Variants in TTLL5 observed in about 807,000 individuals in gnomAD.
The protein encoded by TTLL5 is tubulin polyglutamylase TTLL5.
A neutral mutation model predicts 168.4 loss-of-function variants in TTLL5; 132 were observed. That is an observed-to-expected ratio of 0.78 (90% CI 0.68 to 0.91). The LOEUF (loss-of-function observed/expected upper bound fraction) is 0.91. Ranked by LOEUF, TTLL5 falls within the 40% of genes least tolerant of loss-of-function variation. TTLL5 has a pLI of 0.00. For synonymous variants in TTLL5, 546 were observed against 558.6 expected (o/e 0.98, Z 0.32); for missense variants, 1,545 against 1,581.5 (o/e 0.98, Z 0.39).
chr14:75,886,656 T>G (rs775949357), intron 30 of TTLL5: 3 of 1,590,946 alleles, frequency 1.9e-6, no homozygotes, highest in Non-Finnish European at 1.7e-6. Context: ...CCAATAATCT[T>G]TCTTGATTTT....
intron 27 of TTLL5, among the ~76,000 whole-genome samples, chr14:75,796,073 C>T (rs1048125179): frequency 6.6e-6 from 1 of 152,132 alleles, no homozygotes; most frequent in African/African-American, 2.4e-5. Context: ...TCCCTTTTCA[C>T]CTCTTCCATG....
At chr14:75,720,519 A>G (rs1940091354) in intron 11 of TTLL5, 77 bp from the exon 12 acceptor site, 2 of 1,086,062 alleles carry the variant, frequency 1.8e-6, no homozygotes, top group African/African-American at 3.1e-5. Flanking sequence ...TTTTATAGTT[A>G]TATTGTTATC....
intron 9 of TTLL5, 57 bp from the exon 10 acceptor site, chr14:75,717,804 A>G: frequency 6.6e-7 from 1 of 1,518,726 alleles, no homozygotes; most frequent in Non-Finnish European, 9.1e-7. Flanking sequence ...CCTCAGTTCC[A>G]GCCTGTATTT....
At chr14:75,735,767 A>G (rs1268518147) in intron 15 of TTLL5, among the ~76,000 whole-genome samples, 2 of 152,238 alleles carry the variant, frequency 1.3e-5, no homozygotes, top group South Asian at 2.1e-4. Flanking sequence ...ATAAAAGCCC[A>G]AAGAAACTTA....
At chr14:75,841,686 A>G (rs1333225582) in intron 28 of TTLL5, among the ~76,000 whole-genome samples, 2 of 152,162 alleles carry the variant, frequency 1.3e-5, no homozygotes, top group Non-Finnish European at 2.9e-5. Context: ...GAAGGGATCT[A>G]CATATTTACT....
Position 75,765,045 on chromosome 14 carries a change from A to G in TTLL5, c.1708+273A>G, listed in dbSNP as rs113121580. ...ACAAATACCTGATACTCTAGAAATA[A>G]TATTAGCCTGAGTTTAATGGAATCC... On this transcript the variant is annotated intron_variant, in intron 19 of 31. Transcript: ENST00000298832. 9.1e-3 allele frequency among the ~76,000 whole-genome samples: 1,389 copies of G among 152,320 alleles called. 30 individuals are homozygous for G. The highest frequency in any genetic ancestry group is 0.032 in the African/African-American group (1,332 of 41,566).
intron 18 of TTLL5, among the ~76,000 whole-genome samples, chr14:75,759,842 A>C (rs1273998849): frequency 6.6e-6 from 1 of 152,148 alleles, no homozygotes; most frequent in Non-Finnish European, 1.5e-5. Context: ...AGAAAAACTC[A>C]GCAAATCAGA....
intron 30 of TTLL5, among the ~76,000 whole-genome samples, chr14:75,883,196 C>G (rs2031911656): frequency 6.6e-6 from 1 of 152,218 alleles, no homozygotes; most frequent in South Asian, 2.1e-4. Flanking sequence ...GGTTTGTTCA[C>G]TTTTAGGCAT....
chr14:75,773,996 A>ACT (rs1891560468), intron 21 of TTLL5, among the ~76,000 whole-genome samples: 1 of 141,064 alleles, frequency 7.1e-6, no homozygotes, highest in Non-Finnish European at 1.5e-5. Flanking sequence ...AGAGAGAGAG[A>ACT]GAGCGAGAGT....
intron 29 of TTLL5, among the ~76,000 whole-genome samples, chr14:75,877,357 C>T (rs2031550202): frequency 6.6e-6 from 1 of 152,108 alleles, no homozygotes; most frequent in African/African-American, 2.4e-5. Context: ...ATCTTGCTTC[C>T]CTGGAACCTT....
intron 29 of TTLL5, among the ~76,000 whole-genome samples, chr14:75,873,022 A>G (rs1228824088): frequency 6.6e-6 from 1 of 151,646 alleles, no homozygotes. Flanking sequence ...ATTTTTATGT[A>G]TACAGCACAG....
intron 6 of TTLL5, among the ~76,000 whole-genome samples, chr14:75,698,203 C>G (rs967808072): frequency 6.6e-6 from 1 of 152,178 alleles, no homozygotes; most frequent in South Asian, 2.1e-4. Context: ...CTGACACTCC[C>G]TAAGTGGAAG....
intron 31 of TTLL5, among the ~76,000 whole-genome samples, chr14:75,917,306 T>C (rs1406188375): frequency 6.6e-6 from 1 of 152,232 alleles, no homozygotes; most frequent in Non-Finnish European, 1.5e-5. Flanking sequence ...CTGAGAGAAG[T>C]TAAGTAGCTT....
At chr14:75,839,387 T>C (rs960434139) in intron 28 of TTLL5, among the ~76,000 whole-genome samples, 1 of 152,226 alleles carries the variant, frequency 6.6e-6, no homozygotes, top group Non-Finnish European at 1.5e-5. Context: ...TTCTGTCTTT[T>C]TGATAGTAGC....
intron 27 of TTLL5, chr14:75,818,512 G>A (rs745878939): frequency 3.7e-4 from 141 of 379,058 alleles, no homozygotes; most frequent in Admixed American, 1.0e-4. Flanking sequence ...TTTTGAGATG[G>A]AGTCTCACTC....
At chr14:75,934,629 G>T (rs1175223900) in intron 31 of TTLL5, among the ~76,000 whole-genome samples, 1 of 152,188 alleles carries the variant, frequency 6.6e-6, no homozygotes. Context: ...CCAAGAGGAG[G>T]TGGGGGGAAG....
rs1346180670 is a variant in TTLL5, at chr14:75,764,773, G to A, written c.1708+1G>A. 1.2e-6 allele frequency: 2 copies of A among 1,613,850 alleles called. No individual in the cohort carries two copies. The highest frequency in any genetic ancestry group is 1.1e-5 in the South Asian group (1 of 91,076). On this transcript the variant is annotated splice_donor_variant, in intron 19 of 31. Coordinates refer to ENST00000298832, the MANE Select transcript of TTLL5 (RefSeq NM_015072.5). LOFTEE classifies it high-confidence loss of function. ...AGGGCAATGAGGCCAAAATACCCAG[G>A]TACCTGCTGGTGAGCTTTCACCAAA...
chr14:75,732,266 G>A, intron 12 of TTLL5, 72 bp from the exon 13 acceptor site: 1 of 1,357,476 alleles, frequency 7.4e-7, no homozygotes, highest in Non-Finnish European at 1.0e-6. Flanking sequence ...TAATGAGATT[G>A]AGTCTTCTAG....
intron 24 of TTLL5, among the ~76,000 whole-genome samples, chr14:75,781,909 C>A (rs986554707): frequency 1.0e-4 from 15 of 143,346 alleles, no homozygotes; most frequent in African/African-American, 3.9e-4. Context: ...GAGCCAAGAT[C>A]GCGCAATTGC....
Sources: allele counts gnomAD v4.1 joint callset (sites outside exome capture counted in the v4.1 genomes callset), GRCh38; gene constraint gnomAD v4.1.1; transcripts MANE v1.5; gene names NCBI Gene and HGNC (gene_info 2026-07-23, HGNC 2026-07-21).